SNTG1: variants seen among roughly 807,000 people sequenced by gnomAD.
SNTG1 encodes gamma-1-syntrophin.
In SNTG1, 39 loss-of-function variants were observed where a neutral mutation model predicts 74.7. That is an observed-to-expected ratio of 0.52 (90% CI 0.40 to 0.68). SNTG1 has a LOEUF of 0.68. Ranked by LOEUF, SNTG1 falls within the 30% of genes least tolerant of loss-of-function variation. The pLI is 0.00. For synonymous variants in SNTG1, 254 were observed against 217.1 expected (o/e 1.17, Z -1.49); for missense variants, 685 against 609.5 (o/e 1.12, Z -1.30).
intron 1 of SNTG1, among the ~76,000 whole-genome samples, chr8:49,953,431 T>G (rs959163150): frequency 1.3e-5 from 2 of 152,176 alleles, no homozygotes; most frequent in Admixed American, 6.5e-5. Context: ...CATATTTCCC[T>G]GGGAACTAGA....
chr8:50,254,707 G>C (rs563023122), intron 2 of SNTG1, among the ~76,000 whole-genome samples: 3 of 151,958 alleles, frequency 2.0e-5, no homozygotes, highest in South Asian at 4.1e-4. Flanking sequence ...TTAGCCGGGC[G>C]TGGTGATGCG....
At chr8:50,214,578 T>C (rs1383491344) in intron 2 of SNTG1, among the ~76,000 whole-genome samples, 1 of 152,084 alleles carries the variant, frequency 6.6e-6, no homozygotes, top group African/African-American at 2.4e-5. Context: ...CTTGGAAAAT[T>C]GGGGTCAAGA....
At chr8:50,665,170 G>A (rs1179874552) in intron 15 of SNTG1, among the ~76,000 whole-genome samples, 1 of 152,088 alleles carries the variant, frequency 6.6e-6, no homozygotes, top group African/African-American at 2.4e-5. Context: ...GAGAAAACAT[G>A]CTTGGCAGGG....
At chr8:50,391,374 T>C (rs2092656915) in intron 2 of SNTG1, among the ~76,000 whole-genome samples, 1 of 152,180 alleles carries the variant, frequency 6.6e-6, no homozygotes, top group African/African-American at 2.4e-5. Context: ...GGATTACGTT[T>C]ATTGATTTGT....
chr8:50,210,379 T>A (rs1261284629), intron 2 of SNTG1, among the ~76,000 whole-genome samples: 2 of 152,032 alleles, frequency 1.3e-5, no homozygotes, highest in Non-Finnish European at 2.9e-5. Flanking sequence ...TACAGAGAAC[T>A]CCACAAAGAT....
chr8:50,045,923 C>T (rs544406659), intron 1 of SNTG1, among the ~76,000 whole-genome samples: 1 of 152,242 alleles, frequency 6.6e-6, no homozygotes, highest in East Asian at 1.9e-4. Context: ...TGTGAAGAAG[C>T]TCAACGAGAT....
chr8:50,126,970 G>A (rs1429247198), intron 1 of SNTG1, among the ~76,000 whole-genome samples: 1 of 152,132 alleles, frequency 6.6e-6, no homozygotes, highest in Non-Finnish European at 1.5e-5. Flanking sequence ...ATACATCACA[G>A]TTATATCTGG....
intron 2 of SNTG1, among the ~76,000 whole-genome samples, chr8:50,213,513 T>C (rs567691781): frequency 1.6e-4 from 24 of 152,294 alleles, no homozygotes; most frequent in Admixed American, 1.4e-3. Context: ...AATAAATATG[T>C]ACTTTATTTT....
chr8:50,094,288 G>C (rs1193176323), intron 1 of SNTG1, among the ~76,000 whole-genome samples: 1 of 152,038 alleles, frequency 6.6e-6, no homozygotes, highest in Non-Finnish European at 1.5e-5. Context: ...AAAGTTAACA[G>C]GAAGGCTTAC....
chr8:50,140,041 G>T (rs1257876684), intron 1 of SNTG1, among the ~76,000 whole-genome samples: 1 of 152,210 alleles, frequency 6.6e-6, no homozygotes, highest in Non-Finnish European at 1.5e-5. Flanking sequence ...ATAAGTGCTG[G>T]AGTAAATGGC....
At chr8:49,988,557 T>A (rs1040486615) in intron 1 of SNTG1, among the ~76,000 whole-genome samples, 6 of 152,018 alleles carry the variant, frequency 3.9e-5, no homozygotes, top group Non-Finnish European at 5.9e-5. Context: ...CATCAGTAGG[T>A]TTGAGCTGGC....
At chr8:50,544,128 G>A (rs539719025) in intron 11 of SNTG1, among the ~76,000 whole-genome samples, 1 of 152,010 alleles carries the variant, frequency 6.6e-6, no homozygotes, top group South Asian at 2.1e-4. Flanking sequence ...AATTAAAAAT[G>A]TTTATTATTT....
At chr8:50,698,332 C>T (rs1192758980) in intron 15 of SNTG1, among the ~76,000 whole-genome samples, 1 of 152,122 alleles carries the variant, frequency 6.6e-6, no homozygotes, top group Non-Finnish European at 1.5e-5. Context: ...GGCTCACCAC[C>T]TTCTCAACTT....
At chr8:49,911,032 A>T (rs1207165210), upstream of SNTG1, 1 of 152,226 alleles carries the variant, frequency 6.6e-6, no homozygotes, top group Admixed American at 6.5e-5. Flanking sequence ...CCAATTCAGC[A>T]GCGTTTTAAA....
intron 1 of SNTG1, among the ~76,000 whole-genome samples, chr8:50,029,137 CTTGTG>C (rs1817531567): frequency 2.0e-5 from 3 of 149,034 alleles, no homozygotes; most frequent in South Asian, 2.1e-4. Flanking sequence ...CAATGTTTTT[CTTGTG>C]TTGTGCATGT....
intron 17 of SNTG1, among the ~76,000 whole-genome samples, chr8:50,726,095 C>G (rs550158852): frequency 1.4e-3 from 218 of 152,250 alleles, no homozygotes; most frequent in African/African-American, 4.9e-3. Flanking sequence ...TGTGTGTGTA[C>G]AAATATAATT....
At chr8:50,723,389 TC>T (rs2095492409) in intron 17 of SNTG1, among the ~76,000 whole-genome samples, 1 of 152,166 alleles carries the variant, frequency 6.6e-6, no homozygotes, top group Non-Finnish European at 1.5e-5. Context: ...AAATTCAAGG[TC>T]CTTTGACCAA....
chr8:50,550,612 A>G (rs1017899649), intron 11 of SNTG1, among the ~76,000 whole-genome samples: 19 of 152,236 alleles, frequency 1.2e-4, no homozygotes, highest in South Asian at 2.1e-4. Flanking sequence ...AGAAAGCTGT[A>G]TAAGTGCAGA....
At chr8:49,922,179 A>C (rs1209699482) in intron 1 of SNTG1, among the ~76,000 whole-genome samples, 1 of 152,152 alleles carries the variant, frequency 6.6e-6, no homozygotes, top group Non-Finnish European at 1.5e-5. Context: ...TTCCATCAGA[A>C]CAACAGGAAT....
Sources: allele counts gnomAD v4.1 joint callset (sites outside exome capture counted in the v4.1 genomes callset), GRCh38; gene constraint gnomAD v4.1.1; transcripts MANE v1.5; gene names NCBI Gene and HGNC (gene_info 2026-07-23, HGNC 2026-07-21).